The following WNT5B variants were observed in gnomAD, a reference collection of about 807,000 sequenced individuals.
WNT5B encodes Wnt family member 5B, also known as protein Wnt-5b.
A neutral mutation model predicts 36.5 loss-of-function variants in WNT5B; 18 were observed. The observed-to-expected ratio is 0.49, with a 90% CI of 0.34 to 0.73. The LOEUF is 0.73. Among genes scored for constraint, WNT5B ranks in the 30% least tolerant of loss-of-function variants. The pLI is 0.01. For synonymous variants in WNT5B, 213 were observed against 212.3 expected, an observed-to-expected ratio of 1.00 and a Z score of -0.03; for missense variants, 424 against 508.4, an observed-to-expected ratio of 0.83 and a Z score of 1.60.
rs2094570991 is a variant in WNT5B at position 1,639,794 on chromosome 12, G to A, written c.439G>A (p.Ala147Thr). 6.2e-7 allele frequency: 1 copy of A among 1,612,272 alleles called. No homozygotes were observed. Among genetic ancestry groups the A allele is most frequent in the African/African-American group, 1.3e-5 (1 of 74,854 alleles). Residue 147 changes from alanine (A) to threonine (T), a missense_variant, in exon 4 of 5, where the codon GCG becomes ACG. By Grantham distance (58) the Ala-to-Thr change is moderately conservative. Coordinates refer to ENST00000397196, the MANE Select transcript of WNT5B (RefSeq NM_032642.3). ...ELSTCGCSRT[A>T]RPKDLPRDWL... ...CTCCACCTGCGGCTGCAGCCGGACG[G>A]CGCGGCCCAAGGACCTGCCCCGGGA... is the stretch of plus-strand genomic sequence containing the variant.
chr12:1,628,843 G>T (rs924142335), upstream of WNT5B, among the ~76,000 whole-genome samples: 1 of 151,470 alleles, frequency 6.6e-6, no homozygotes, highest in Non-Finnish European at 1.5e-5. Flanking sequence ...CCTGGCTTCA[G>T]TTCTATGGCC....
chr12:1,638,430 A>G (rs2094566398), intron 3 of WNT5B, among the ~76,000 whole-genome samples: 1 of 152,168 alleles, frequency 6.6e-6, no homozygotes. Context: ...AAGCAGCTGC[A>G]CCGCTTAACC....
chr12:1,619,608 C>G (rs1230748511), intron 1 of WNT5B, among the ~76,000 whole-genome samples: 1 of 151,668 alleles, frequency 6.6e-6, no homozygotes, highest in Middle Eastern at 3.2e-3. Context: ...AAAATTCATG[C>G]AAGAGAAACA....
At chr12:1,627,899 A>G (rs2094543410), upstream of WNT5B, among the ~76,000 whole-genome samples, 1 of 152,152 alleles carries the variant, frequency 6.6e-6, no homozygotes, top group South Asian at 2.1e-4. This position sits in a 1 kb window ranked among gnomAD's most constrained non-coding sequence, Gnocchi z 5.0. Flanking sequence ...CACTGGACCT[A>G]ACTTATGATA....
chr12:1,639,257 C>T (rs2094568495), intron 3 of WNT5B, among the ~76,000 whole-genome samples: 1 of 151,384 alleles, frequency 6.6e-6, no homozygotes. Flanking sequence ...CCTGCCTCAG[C>T]CTCCCGAGTA....
At chr12:1,625,979 C>CTTT (rs547219559), upstream of WNT5B, among the ~76,000 whole-genome samples, 5 of 134,426 alleles carry the variant, frequency 3.7e-5, no homozygotes, top group African/African-American at 5.6e-5. Flanking sequence ...TTTTCTCTCT[C>CTTT]TTTTTTTTTT....
Position 1,633,014 on chromosome 12 carries a change from T to C in WNT5B, c.328+109T>C. On this transcript the variant is annotated intron_variant, in intron 3 of 4. Transcript: ENST00000397196. The surrounding 1 kb of genome is among the most constrained non-coding windows in gnomAD (Gnocchi z 4.8). Reference sequence around the variant, plus strand: ...AGGGAGAGCCCAAAGGCAGCCTAAGTGGGCTCTCTCTAGGCTTGGCAGCAG... The same window carrying C: ...AGGGAGAGCCCAAAGGCAGCCTAAGCGGGCTCTCTCTAGGCTTGGCAGCAG... The C allele has an allele frequency of 1.4e-6, 2 of 1,475,638 alleles. No individual in the cohort carries two copies. The highest frequency in any genetic ancestry group is 2.6e-5 in the South Asian group (2 of 75,622). The allele number at this position is 1,475,638 out of a possible 1,614,324, so 91.4% of individuals were successfully genotyped here.
upstream of WNT5B, among the ~76,000 whole-genome samples, chr12:1,628,232 T>G (rs919547664): frequency 1.3e-5 from 2 of 152,036 alleles, no homozygotes; most frequent in Non-Finnish European, 2.9e-5. Flanking sequence ...CTTGGCTCAC[T>G]GCAACCTCCA....
At chr12:1,622,621 C>G (rs1025134048) in intron 1 of WNT5B, among the ~76,000 whole-genome samples, 12 of 152,162 alleles carry the variant, frequency 7.9e-5, no homozygotes, top group African/African-American at 2.9e-4. Context: ...AGAGGCTGGC[C>G]TTCGTGGCCT....
In WNT5B at chr12:1,646,233, A is replaced by G; in HGVS notation, c.1061A>G (p.Asp354Gly). The part of the protein sequence containing the change: ...VRCKKCTEIV[D>G]QYICK The stretch of plus-strand genomic sequence containing the variant: ...TGTAAGAAGTGCACGGAGATCGTGG[A>G]CCAGTACATCTGTAAATAGCCCGGA... Residue 354 changes from aspartate (D) to glycine (G), a missense_variant, in exon 5 of 5, where the codon GAC becomes GGC. By Grantham distance (94) the Asp-to-Gly change is moderately conservative. Transcript: ENST00000397196. The G allele has an allele frequency of 6.2e-7, 1 of 1,612,640 alleles. No individual in the cohort carries two copies. Among genetic ancestry groups the G allele is most frequent in the Non-Finnish European group, 8.5e-7 (1 of 1,179,362 alleles).
chr12:1,642,441 A>T (rs2094577216), intron 4 of WNT5B, among the ~76,000 whole-genome samples: 1 of 152,038 alleles, frequency 6.6e-6, no homozygotes, highest in African/African-American at 2.4e-5. Flanking sequence ...TACTCTATCT[A>T]CCTTTGCCTT....
intron 3 of WNT5B, among the ~76,000 whole-genome samples, chr12:1,638,078 C>A (rs562016885): frequency 6.6e-6 from 1 of 152,334 alleles, no homozygotes; most frequent in Non-Finnish European, 1.5e-5. Flanking sequence ...GAAACCCCAT[C>A]TCCACTAAAA....
At chr12:1,625,027 A>G (rs1477593344), upstream of WNT5B, among the ~76,000 whole-genome samples, 1 of 152,068 alleles carries the variant, frequency 6.6e-6, no homozygotes, top group Admixed American at 6.6e-5. Flanking sequence ...TGCAGAGCAG[A>G]GGAGAATGCT....
At chr12:1,622,852 G>A (rs1457787819) in intron 1 of WNT5B, among the ~76,000 whole-genome samples, 4 of 152,228 alleles carry the variant, frequency 2.6e-5, no homozygotes, top group Non-Finnish European at 4.4e-5. Context: ...GCTAAAACAT[G>A]TGAGAAGCTA....
At position 1,638,083 on chromosome 12, in the gene WNT5B, C is replaced by T. The variant is rs375294939; in HGVS notation, c.329-1601C>T. ...CTAACACGGTGAAACCCCATCTCCA[C>T]TAAAAACACAAAAAATTAGCTGGGC... is the stretch of plus-strand genomic sequence containing the variant. On this transcript the variant is annotated intron_variant, in intron 3 of 4. Coordinates refer to ENST00000397196, the MANE Select transcript of WNT5B (RefSeq NM_032642.3). 3.3e-5 allele frequency among the ~76,000 whole-genome samples: 5 copies of T among 152,190 alleles called. No homozygotes were observed. The East Asian group carries it at 9.6e-4, about 29-fold the overall frequency.
Position 1,646,180 on chromosome 12 carries a change from C to T in WNT5B, c.1008C>T (p.Cys336=). The T allele has an allele frequency of 6.2e-7, 1 of 1,613,894 alleles. No homozygotes were observed. The highest frequency in any genetic ancestry group is 8.5e-7 in the Non-Finnish European group (1 of 1,180,046). ...FKSVQVERCH[C]KFHWCCFVRC... ...GCGTGCAGGTGGAGCGCTGCCACTG[C>T]AAGTTCCACTGGTGCTGCTTCGTCA... The change falls in exon 5 of 5, where the codon TGC becomes TGT. Residue 336 remains cysteine, a synonymous_variant. Transcript: ENST00000397196.
At chr12:1,621,729 G>C in intron 1 of WNT5B, among the ~76,000 whole-genome samples, 1 of 142,220 alleles carries the variant, frequency 7.0e-6, no homozygotes. Context: ...TTTTTTGGTA[G>C]AGATGAGGCC....
chr12:1,617,914 G>C (rs1592511333), intron 1 of WNT5B, among the ~76,000 whole-genome samples: 1 of 152,152 alleles, frequency 6.6e-6, no homozygotes, highest in African/African-American at 2.4e-5. Flanking sequence ...CTAGGAGGGA[G>C]GATTGCTTGA....
rs1182180553 is a variant in WNT5B at position 1,645,939 on chromosome 12, G to A, written c.767G>A (p.Arg256His). The A allele has an allele frequency of 8.1e-6, 13 of 1,610,002 alleles. No individual in the cohort carries two copies. The highest frequency in any genetic ancestry group is 1.7e-5 in the Admixed American group (1 of 59,980). The change falls in exon 5 of 5, where the codon CGC (arginine) becomes CAC (histidine). Residue 256 changes from arginine (R) to histidine (H), a missense_variant. Coordinates refer to ENST00000397196, the MANE Select transcript of WNT5B (RefSeq NM_032642.3). ...KEKYDSAAAM[R>H]VTRKGRLELV... is the part of the protein sequence containing the mutation. ...AAGTACGACAGCGCGGCCGCCATGCGCGTCACCCGCAAGGGCCGGCTGGAG... is the reference window on the plus strand; with the variant it reads ...AAGTACGACAGCGCGGCCGCCATGCACGTCACCCGCAAGGGCCGGCTGGAG...
Sources: gnomAD v4.1 joint callset for allele counts (sites outside exome capture counted in the v4.1 genomes callset) on GRCh38, gnomAD v4.1.1 for gene constraint, Gnocchi (gnomAD v3.1) non-coding constraint, MANE v1.5 for transcripts, NCBI Gene and HGNC (gene_info 2026-07-23, HGNC 2026-07-21) for gene names.